The following ELMO1 variants were observed in gnomAD, a reference collection of about 807,000 sequenced individuals.
ELMO1 encodes the protein engulfment and cell motility 1.
In ELMO1, 26 loss-of-function variants were observed where a neutral mutation model predicts 98.9. That is an observed-to-expected ratio of 0.26 (90% confidence interval 0.19 to 0.36). The LOEUF is 0.36. Ranked by LOEUF, ELMO1 falls within the 10% of genes least tolerant of loss-of-function variation. The probability of loss-of-function intolerance (pLI) is 1.00; values close to 1 mark genes in which losing one functional copy is unlikely to be tolerated. For synonymous variants in ELMO1, 346 were observed against 346.0 expected (o/e 1.00, Z 0.00); for missense variants, 627 against 935.2 (o/e 0.67, Z 4.30).
chr7:37,227,520 G>A (rs1439724896), intron 8 of ELMO1, among the ~76,000 whole-genome samples: 2 of 152,014 alleles, frequency 1.3e-5, no homozygotes, highest in African/African-American at 4.8e-5. Context: ...TAAGTAGCTG[G>A]GATTACAGGC....
At chr7:37,261,890 C>G (rs1052885657) in intron 5 of ELMO1, among the ~76,000 whole-genome samples, 2 of 152,202 alleles carry the variant, frequency 1.3e-5, no homozygotes, top group Non-Finnish European at 2.9e-5. Context: ...GCGTGAGCCA[C>G]CACGCCCAGC....
chr7:37,121,192 A>C (rs984506249), intron 14 of ELMO1, among the ~76,000 whole-genome samples: 15 of 152,154 alleles, frequency 9.9e-5, no homozygotes, highest in Non-Finnish European at 2.1e-4. Flanking sequence ...GAGCAGAAAA[A>C]CTGAAAATTC....
At chr7:36,864,287 G>C (rs1431767736) in intron 20 of ELMO1, among the ~76,000 whole-genome samples, 1 of 152,182 alleles carries the variant, frequency 6.6e-6, no homozygotes, top group African/African-American at 2.4e-5. Flanking sequence ...GAAGGAAAAG[G>C]AGCAGGCAAA....
Position 37,262,732 on chromosome 7 carries a change from T to G in ELMO1, c.244-3382A>C, listed in dbSNP as rs887608064. On this transcript the variant is annotated intron_variant, in intron 5 of 21. Coordinates refer to ENST00000310758, the MANE Select transcript of ELMO1 (RefSeq NM_014800.11). ...GAGGGGAGGACTGTGGCAAGCCAGG[T>G]GGCGAGGGGACCATGATGGAAACCT... 4.6e-5 allele frequency among the ~76,000 whole-genome samples: 7 copies of G among 152,162 alleles called. No individual in the cohort carries two copies. The South Asian group carries it at 1.0e-3, about 23-fold the overall frequency.
intron 1 of ELMO1, among the ~76,000 whole-genome samples, chr7:37,349,273 G>C (rs1189947418): frequency 2.0e-5 from 3 of 152,198 alleles, no homozygotes; most frequent in African/African-American, 7.2e-5. Flanking sequence ...AGTGGAAAGG[G>C]AGCTGTTCAT....
At chr7:37,132,639 C>T (rs935567030) in intron 14 of ELMO1, among the ~76,000 whole-genome samples, 1 of 152,206 alleles carries the variant, frequency 6.6e-6, no homozygotes, top group Non-Finnish European at 1.5e-5. Flanking sequence ...CTTCCTTCTG[C>T]TCCACCCACA....
chr7:37,245,913 A>G (rs2130716738), intron 6 of ELMO1, among the ~76,000 whole-genome samples: 1 of 152,354 alleles, frequency 6.6e-6, no homozygotes, highest in South Asian at 2.1e-4. Flanking sequence ...ATAGTGATAG[A>G]TTAAACCCAC....
At chr7:37,052,816 T>C (rs1435657282) in intron 15 of ELMO1, among the ~76,000 whole-genome samples, 1 of 152,142 alleles carries the variant, frequency 6.6e-6, no homozygotes, top group Non-Finnish European at 1.5e-5. Flanking sequence ...GGGCCAACCT[T>C]AGCCTGGGAG....
chr7:37,291,495 T>C (rs981564986), intron 4 of ELMO1, among the ~76,000 whole-genome samples: 8 of 152,264 alleles, frequency 5.3e-5, no homozygotes, highest in Admixed American at 4.6e-4. Context: ...TGTAAATCCA[T>C]GACAATGAAA....
At chr7:37,011,734 T>C (rs1793574611) in intron 16 of ELMO1, among the ~76,000 whole-genome samples, 1 of 152,186 alleles carries the variant, frequency 6.6e-6, no homozygotes, top group African/African-American at 2.4e-5. Context: ...CAGCAGCACA[T>C]GAAAGAGCTG....
chr7:37,214,745 CTT>C (rs569271972), intron 11 of ELMO1, among the ~76,000 whole-genome samples: 35 of 152,326 alleles, frequency 2.3e-4, no homozygotes, highest in African/African-American at 7.2e-4. Context: ...ATGGCACACA[CTT>C]AGTATCCAAA....
rs1030952236 is a variant in ELMO1 at position 37,195,560 on chromosome 7, C to T, written c.1086+15826G>A. ...ATGCCTGTTTGGATGCCCAGCCATG[C>T]CCAGCTGGCTGGAGGCGGGGCTCCC... is the stretch of plus-strand genomic sequence containing the variant. On this transcript the variant is annotated intron_variant, in intron 13 of 21. Coordinates refer to ENST00000310758, the MANE Select transcript of ELMO1 (RefSeq NM_014800.11). Among the ~76,000 whole-genome samples, 15 of 152,244 alleles carry T rather than the reference C, an allele frequency of 9.9e-5. 1 individual carries two copies. Among genetic ancestry groups the T allele is most frequent in the African/African-American group, 3.6e-4 (15 of 41,470 alleles).
intron 1 of ELMO1, among the ~76,000 whole-genome samples, chr7:37,438,057 C>T (rs1329847941): frequency 1.3e-5 from 2 of 152,000 alleles, no homozygotes; most frequent in East Asian, 3.9e-4. Flanking sequence ...AATAAAATCA[C>T]CAGAACTTAT....
intron 1 of ELMO1, among the ~76,000 whole-genome samples, chr7:37,403,552 ATTTATC>A (rs891940061): frequency 1.2e-4 from 17 of 143,580 alleles, no homozygotes; most frequent in African/African-American, 4.4e-4. Flanking sequence ...TCATTTATTT[ATTTATC>A]TTTAAGACAG....
At chr7:36,988,687 G>A (rs889427245) in intron 16 of ELMO1, among the ~76,000 whole-genome samples, 4 of 152,094 alleles carry the variant, frequency 2.6e-5, no homozygotes, top group Admixed American at 2.0e-4. Context: ...TGAGAGTGAG[G>A]GGAAGAGTGA....
At chr7:37,107,165 T>G (rs1371699044) in intron 14 of ELMO1, among the ~76,000 whole-genome samples, 2 of 152,210 alleles carry the variant, frequency 1.3e-5, no homozygotes, top group Admixed American at 6.5e-5. Context: ...TGAACAAAAG[T>G]CCATTTTGAG....
At chr7:37,053,626 C>T (rs558265549) in intron 15 of ELMO1, among the ~76,000 whole-genome samples, 2 of 152,236 alleles carry the variant, frequency 1.3e-5, no homozygotes, top group Non-Finnish European at 2.9e-5. Flanking sequence ...ATATTTATCA[C>T]GGGACTATTA....
intron 13 of ELMO1, among the ~76,000 whole-genome samples, chr7:37,202,545 C>T (rs1401741530): frequency 1.3e-5 from 2 of 152,128 alleles, no homozygotes; most frequent in African/African-American, 2.4e-5. Flanking sequence ...GAGAATTCAC[C>T]AGGTTTTGGG....
At chr7:37,141,615 AAAAAG>A (rs1205802086) in intron 13 of ELMO1, among the ~76,000 whole-genome samples, 1 of 152,220 alleles carries the variant, frequency 6.6e-6, no homozygotes, top group Non-Finnish European at 1.5e-5. Flanking sequence ...TAAACAGATG[AAAAAG>A]AAAAGTTAAA....
Sources: gnomAD v4.1 joint callset for allele counts (sites outside exome capture counted in the v4.1 genomes callset) on GRCh38, gnomAD v4.1.1 for gene constraint, MANE v1.5 for transcripts, NCBI Gene and HGNC (gene_info 2026-07-23, HGNC 2026-07-21) for gene names.